The following ZNF362 variants were observed in gnomAD, a reference collection of about 807,000 sequenced individuals.
The protein encoded by ZNF362 is zinc finger protein 362.
Under a neutral mutation model 42.9 loss-of-function variants are expected in ZNF362, and 11 were observed. The ratio of observed to expected loss-of-function variants is 0.26; its 90% confidence interval spans 0.16 to 0.42. The LOEUF (loss-of-function observed/expected upper bound fraction) is 0.42. ZNF362 is among the 20% of genes least tolerant of loss of function. The pLI is 1.00. For missense variants in ZNF362, 362 were observed against 576.2 expected (o/e 0.63, Z 3.81); for synonymous variants, 255 against 257.3 (o/e 0.99, Z 0.09).
the ZNF362 span, among the ~76,000 whole-genome samples, chr1:33,229,765 C>T: frequency 6.6e-6 from 1 of 152,130 alleles, no homozygotes. Context: ...CCCCAGTCAA[C>T]AGCTGGTTCA....
the ZNF362 span, among the ~76,000 whole-genome samples, chr1:33,201,287 C>T: frequency 1.3e-5 from 2 of 152,304 alleles, no homozygotes; most frequent in African/African-American, 4.8e-5. Flanking sequence ...TGTCAGCCAA[C>T]TTGATCTAAT....
At chr1:33,229,379 C>T in the ZNF362 span, among the ~76,000 whole-genome samples, 1 of 150,500 alleles carries the variant, frequency 6.6e-6, no homozygotes, top group Non-Finnish European at 1.5e-5. Context: ...TATGTCCAAT[C>T]AGTCAAAAAG....
the ZNF362 span, among the ~76,000 whole-genome samples, chr1:33,234,981 A>C: frequency 6.6e-6 from 1 of 152,038 alleles, no homozygotes; most frequent in Non-Finnish European, 1.5e-5. Context: ...GAGGTCGATC[A>C]TTGGGCTTCC....
rs1386997411 is a variant in ZNF362 at position 33,299,902 on chromosome 1, CTCCCTCCAGAAT to C, written c.*858_*869del. On this transcript the variant is annotated 3_prime_UTR_variant, in exon 9 of 9. Transcript: ENST00000539719. ...GAGGGAGTGGGCCTGGATCTGGGAC[CTCCCTCCAGAAT>C]TTCCTCCAGATGGGGGCAGTGCCCA... 2 of 152,708 alleles carry C rather than the reference CTCCCTCCAGAAT, an allele frequency of 1.3e-5. No homozygotes were observed. The highest frequency in any genetic ancestry group is 1.9e-4 in the East Asian group (1 of 5,186). The allele number at this position is 152,708 out of a possible 1,614,324, so 9.5% of individuals were successfully genotyped here.
chr1:33,270,169 G>A (rs898065022), intron 1 of ZNF362, among the ~76,000 whole-genome samples: 1 of 152,212 alleles, frequency 6.6e-6, no homozygotes, highest in Non-Finnish European at 1.5e-5. Context: ...TGGCAGAAAT[G>A]AATGAGCACC....
the ZNF362 span, among the ~76,000 whole-genome samples, chr1:33,245,286 A>G: frequency 6.6e-6 from 1 of 152,200 alleles, no homozygotes; most frequent in African/African-American, 2.4e-5. Context: ...GAGATGGATC[A>G]TATTCTCAGA....
rs777114139 is a variant in ZNF362, at chr1:33,276,538, C to T, written c.293C>T (p.Ala98Val). 185 of 1,515,588 alleles carry T rather than the reference C, an allele frequency of 1.2e-4. No individual in the cohort carries two copies. In the African/African-American group the frequency reaches 2.2e-3, roughly 18 times the overall value. 93.9% of individuals were successfully genotyped at this position (1,515,588 alleles called of 1,614,324 possible). Residue 98 changes from alanine to valine, a missense_variant, in exon 4 of 9, where the codon GCG becomes GTG. By Grantham distance (64) the Ala-to-Val change is moderately conservative. Coordinates refer to ENST00000539719, the MANE Select transcript of ZNF362 (RefSeq NM_152493.3). ...CAGGTGCCGGGGCTGCATCCACAGG[C>T]GGTGCCGCAGCCCGACGTGGCGCTG... ...LQQVPGLHPQ[A>V]VPQPDVALHA...
At chr1:33,147,546 C>T in the ZNF362 span, 1 of 1,614,072 alleles carries the variant, frequency 6.2e-7, no homozygotes, top group Non-Finnish European at 8.5e-7. This position sits in a 1 kb window ranked among gnomAD's most constrained non-coding sequence, Gnocchi z 8.1. Context: ...CCACCACCTC[C>T]CAGTAGTGGA....
At chr1:33,201,028 A>G in the ZNF362 span, among the ~76,000 whole-genome samples, 1 of 152,202 alleles carries the variant, frequency 6.6e-6, no homozygotes, top group African/African-American at 2.4e-5. Flanking sequence ...CTGAAATCTT[A>G]ATCTTGGATT....
At chr1:33,175,394 T>C in the ZNF362 span, among the ~76,000 whole-genome samples, 1 of 152,124 alleles carries the variant, frequency 6.6e-6, no homozygotes, top group Non-Finnish European at 1.5e-5. Flanking sequence ...CCTCCAAATC[T>C]GCCTCATCCC....
intron 1 of ZNF362, among the ~76,000 whole-genome samples, chr1:33,267,878 A>G (rs1259566333): frequency 6.6e-6 from 1 of 152,228 alleles, no homozygotes; most frequent in African/African-American, 2.4e-5. Context: ...GAATGGGATC[A>G]CTAGGCCAGG....
chr1:33,265,012 C>G (rs1350509268), intron 1 of ZNF362, among the ~76,000 whole-genome samples: 1 of 151,840 alleles, frequency 6.6e-6, no homozygotes. Context: ...CGTTAGGAGC[C>G]AGAGTGAGAA....
chr1:33,284,645 A>T (rs929488676), intron 6 of ZNF362, among the ~76,000 whole-genome samples: 4 of 152,098 alleles, frequency 2.6e-5, no homozygotes, highest in Admixed American at 2.6e-4. Context: ...CTGAAGAGTT[A>T]GTTGGAAGAA....
At position 33,298,791 on chromosome 1, in the gene ZNF362, T is replaced by A. The variant is rs1646143162; in HGVS notation, c.1147-139T>A. ...CTAGAACCAATGGCCGACGCCCATCTGACCCTGCAAAACTGTGGCTGTCCT... is the reference window on the plus strand; with the variant it reads ...CTAGAACCAATGGCCGACGCCCATCAGACCCTGCAAAACTGTGGCTGTCCT... On this transcript the variant is annotated intron_variant, in intron 8 of 8. Coordinates refer to ENST00000539719, the MANE Select transcript of ZNF362 (RefSeq NM_152493.3). 3 of 718,762 alleles carry A rather than the reference T, an allele frequency of 4.2e-6. No homozygotes were observed. In the South Asian group the frequency reaches 4.7e-5, roughly 11 times the overall value. 44.5% of individuals were successfully genotyped at this position (718,762 alleles called of 1,614,324 possible).
chr1:33,129,693 T>C, the ZNF362 span, among the ~76,000 whole-genome samples: 1 of 152,176 alleles, frequency 6.6e-6, no homozygotes, highest in African/African-American at 2.4e-5. This position sits in a 1 kb window ranked among gnomAD's most constrained non-coding sequence, Gnocchi z 4.1. Context: ...TGGTCCACAC[T>C]GGAGATTCTC....
chr1:33,153,115 C>T, the ZNF362 span, among the ~76,000 whole-genome samples: 1 of 152,026 alleles, frequency 6.6e-6, no homozygotes, highest in Non-Finnish European at 1.5e-5. Context: ...TCAGGTGACC[C>T]AATAGGAAGC....
the ZNF362 span, chr1:33,165,539 G>A: frequency 2.2e-5 from 36 of 1,610,828 alleles, no homozygotes; most frequent in Non-Finnish European, 2.7e-5. This position sits in a 1 kb window ranked among gnomAD's most constrained non-coding sequence, Gnocchi z 4.0. Context: ...CTGTCTTGAA[G>A]GGCCTGAAGT....
At chr1:33,180,544 G>A in the ZNF362 span, among the ~76,000 whole-genome samples, 115,371 of 151,842 alleles carry the variant, frequency 0.76, 43,823 homozygotes, top group Admixed American at 0.78. Context: ...CATCTGATCC[G>A]GTCTCCGCCC....
At chr1:33,289,547 T>A (rs902960814) in intron 6 of ZNF362, among the ~76,000 whole-genome samples, 13 of 152,164 alleles carry the variant, frequency 8.5e-5, no homozygotes, top group Admixed American at 5.2e-4. Context: ...CTTGGCTGGT[T>A]CCTGAGGAAG....
Sources: allele counts gnomAD v4.1 joint callset (sites outside exome capture counted in the v4.1 genomes callset), GRCh38; gene constraint gnomAD v4.1.1; non-coding constraint Gnocchi (gnomAD v3.1); transcripts MANE v1.5; gene names NCBI Gene and HGNC (gene_info 2026-07-23, HGNC 2026-07-21).